The following PPP1R9A variants were observed in gnomAD, a reference collection of about 807,000 sequenced individuals.
PPP1R9A encodes the protein neurabin-1.
PPP1R9A carries 59 observed loss-of-function variants against 141.9 expected under a neutral mutation model. The ratio of observed to expected loss-of-function variants is 0.42; its 90% CI spans 0.34 to 0.52. The LOEUF is 0.52. Among genes scored for constraint, PPP1R9A ranks in the 20% least tolerant of loss-of-function variants. The probability of loss-of-function intolerance (pLI) is 0.10; values close to 1 mark genes in which losing one functional copy is unlikely to be tolerated. For synonymous variants in PPP1R9A, 500 were observed against 569.7 expected, an observed-to-expected ratio of 0.88 and a Z score of 1.74; for missense variants, 1,444 against 1,611.9, an observed-to-expected ratio of 0.90 and a Z score of 1.78.
chr7:95,100,249 G>A (rs931593183), intron 2 of PPP1R9A, among the ~76,000 whole-genome samples: 2 of 152,016 alleles, frequency 1.3e-5, no homozygotes, highest in African/African-American at 4.8e-5. Flanking sequence ...GCAAGACCCT[G>A]TCTCTATTAA....
At chr7:95,102,533 A>G (rs1010395086) in intron 2 of PPP1R9A, among the ~76,000 whole-genome samples, 1 of 152,216 alleles carries the variant, frequency 6.6e-6, no homozygotes, top group African/African-American at 2.4e-5. Flanking sequence ...GGCCAAGCCC[A>G]CAGCGTGTGG....
rs75336095 is a variant in PPP1R9A, at chr7:95,067,284, A to T, written c.1396-43975A>T. 5.6e-3 allele frequency among the ~76,000 whole-genome samples: 850 copies of T among 152,298 alleles called. 12 individuals carry two copies. The highest frequency in any genetic ancestry group is 0.02 in the African/African-American group (814 of 41,548). On this transcript the variant is annotated intron_variant, in intron 2 of 19. Transcript: ENST00000433360. ...GAGAGATGTGAAGGGAATTCCCACA[A>T]TGACTGTGAAGTTTAGGCTAATAGT... is the stretch of plus-strand genomic sequence containing the variant.
At chr7:95,264,553 C>G (rs1010583952) in intron 12 of PPP1R9A, among the ~76,000 whole-genome samples, 1 of 152,146 alleles carries the variant, frequency 6.6e-6, no homozygotes, top group Non-Finnish European at 1.5e-5. Context: ...CTGCTAAAAT[C>G]ATCAAATCCA....
intron 7 of PPP1R9A, among the ~76,000 whole-genome samples, chr7:95,218,263 T>C (rs1002578327): frequency 2.0e-5 from 3 of 152,184 alleles, no homozygotes; most frequent in Non-Finnish European, 4.4e-5. Flanking sequence ...TCAGTTTCCA[T>C]GTAGTTGAGC....
intron 5 of PPP1R9A, 109 bp downstream of exon 5, chr7:95,162,080 T>G (rs1052380449): frequency 2.2e-5 from 13 of 599,654 alleles, no homozygotes; most frequent in Non-Finnish European, 3.6e-5. Context: ...TTTACCTGAA[T>G]AGTAAAACTT....
intron 2 of PPP1R9A, among the ~76,000 whole-genome samples, chr7:94,977,271 A>G (rs1799560324): frequency 6.6e-6 from 1 of 152,158 alleles, no homozygotes; most frequent in Non-Finnish European, 1.5e-5. Flanking sequence ...AAAAGAAGAG[A>G]TTCGAGTCAC....
At chr7:95,235,439 T>G (rs1009297862) in intron 8 of PPP1R9A, among the ~76,000 whole-genome samples, 8 of 152,106 alleles carry the variant, frequency 5.3e-5, no homozygotes, top group Non-Finnish European at 1.0e-4. Flanking sequence ...TCACTAATTA[T>G]CAGGGAAATG....
intron 12 of PPP1R9A, among the ~76,000 whole-genome samples, chr7:95,259,914 A>G (rs747125025): frequency 6.6e-6 from 1 of 151,962 alleles, no homozygotes; most frequent in Admixed American, 6.6e-5. Context: ...ATATATATAT[A>G]TTTTTTGCAT....
intron 12 of PPP1R9A, among the ~76,000 whole-genome samples, chr7:95,255,454 T>G (rs1466160731): frequency 1.3e-5 from 2 of 152,170 alleles, no homozygotes; most frequent in Admixed American, 6.6e-5. Context: ...TTCTGACTAT[T>G]CTACCGTGAG....
chr7:95,217,297 C>A (rs1585304827), intron 7 of PPP1R9A, among the ~76,000 whole-genome samples: 1 of 152,318 alleles, frequency 6.6e-6, no homozygotes, highest in African/African-American at 2.4e-5. Context: ...AGGAACCAGC[C>A]TTGCATCCCA....
intron 2 of PPP1R9A, among the ~76,000 whole-genome samples, chr7:95,102,875 A>C (rs1818973664): frequency 1.3e-5 from 2 of 152,234 alleles, no homozygotes; most frequent in Non-Finnish European, 2.9e-5. Context: ...TTATGGGTCA[A>C]CGTTGGTAGG....
intron 4 of PPP1R9A, chr7:95,156,015 C>T (rs1829544700): frequency 6.6e-6 from 1 of 152,210 alleles, no homozygotes; most frequent in African/African-American, 2.4e-5. Context: ...CCAAGTCTTG[C>T]TTAGGCCCGC....
chr7:95,227,113 A>G (rs576055670), intron 8 of PPP1R9A, among the ~76,000 whole-genome samples: 5 of 152,236 alleles, frequency 3.3e-5, no homozygotes, highest in Admixed American at 6.5e-5. Context: ...GGTGTAATCT[A>G]GTTACCTGTT....
At position 95,048,333 on chromosome 7, in the gene PPP1R9A, T is replaced by G. The variant is rs191435284; in HGVS notation, c.1396-62926T>G. Among the ~76,000 whole-genome samples, 1,180 of 152,054 alleles carry G rather than the reference T, an allele frequency of 7.8e-3. 15 individuals are homozygous for G. Among genetic ancestry groups the G allele is most frequent in the African/African-American group, 0.027 (1,130 of 41,322 alleles). On this transcript the variant is annotated intron_variant, in intron 2 of 19. Transcript: ENST00000433360. ...TAAGATAAACAGGATCAGATCATAC[T>G]TAGCCTCAAAGAAGTAATCTGAGAA...
At chr7:95,126,928 T>C (rs1228160492) in intron 4 of PPP1R9A, among the ~76,000 whole-genome samples, 1 of 152,146 alleles carries the variant, frequency 6.6e-6, no homozygotes, top group Non-Finnish European at 1.5e-5. Context: ...CAATCTATAG[T>C]GGGAATAAAC....
intron 2 of PPP1R9A, among the ~76,000 whole-genome samples, chr7:95,002,644 G>A (rs142243201): frequency 0.015 from 2,294 of 152,188 alleles, 42 homozygotes; most frequent in Middle Eastern, 0.044. Flanking sequence ...GAATGATTTC[G>A]CAGGAAAGAA....
At chr7:95,275,216 C>T (rs898552208) in intron 16 of PPP1R9A, among the ~76,000 whole-genome samples, 4 of 151,628 alleles carry the variant, frequency 2.6e-5, no homozygotes, top group East Asian at 1.9e-4. Flanking sequence ...GAGACCAGCC[C>T]GGCCAACATG....
At chr7:95,246,359 T>C (rs186482188) in intron 8 of PPP1R9A, among the ~76,000 whole-genome samples, 4 of 152,286 alleles carry the variant, frequency 2.6e-5, no homozygotes, top group African/African-American at 9.6e-5. Context: ...TTGATTACAG[T>C]AATAGTAAAA....
intron 8 of PPP1R9A, among the ~76,000 whole-genome samples, chr7:95,244,215 C>T: frequency 6.6e-6 from 1 of 152,142 alleles, no homozygotes; most frequent in East Asian, 1.9e-4. Flanking sequence ...CACCTCACTG[C>T]TAATTAGTTC....
Sources: allele counts gnomAD v4.1 joint callset (sites outside exome capture counted in the v4.1 genomes callset), GRCh38; gene constraint gnomAD v4.1.1; transcripts MANE v1.5; gene names NCBI Gene and HGNC (gene_info 2026-07-23, HGNC 2026-07-21).